PAM16: variants seen among roughly 807,000 people sequenced by gnomAD.
The protein encoded by PAM16 is mitochondrial import inner membrane translocase subunit TIM16.
Under a neutral mutation model 17.9 loss-of-function variants are expected in PAM16, and 11 were observed. That is an observed-to-expected ratio of 0.62 (90% confidence interval 0.39 to 1.02). The LOEUF (loss-of-function observed/expected upper bound fraction) is 1.02. Ranked by LOEUF, PAM16 falls within the 50% of genes least tolerant of loss-of-function variation. The pLI is 0.01. For synonymous variants in PAM16, 72 were observed against 67.4 expected, an observed-to-expected ratio of 1.07 and a Z score of -0.34; for missense variants, 199 against 165.4, an observed-to-expected ratio of 1.20 and a Z score of -1.11.
Position 4,343,192 on chromosome 16 carries a change from C to A in PAM16, c.88+15G>T, listed in dbSNP as rs535980634. On this transcript the variant is annotated intron_variant, in intron 2 of 4. Coordinates refer to ENST00000318059, the MANE Select transcript of PAM16 (RefSeq NM_016069.11). The stretch of plus-strand genomic sequence containing the variant: ...AGGAACTCCCAGCCCACAGGGGAGA[C>A]GGACCCATGCTTACCTGCAAACTCC... 6 of 1,612,406 alleles carry A rather than the reference C, an allele frequency of 3.7e-6. No homozygotes were observed. The highest frequency in any genetic ancestry group is 5.1e-6 in the Non-Finnish European group (6 of 1,179,732).
chr16:4,343,089 G>A, intron 2 of PAM16, 118 bp downstream of exon 2: 1 of 1,339,090 alleles, frequency 7.5e-7, no homozygotes, highest in Admixed American at 2.0e-5. Context: ...CCCACCATGG[G>A]AAGTGCCTCA....
chr16:4,340,483 C>T, intron 4 of PAM16, 78 bp from the exon 5 acceptor site: 1 of 1,505,850 alleles, frequency 6.6e-7, no homozygotes, highest in Non-Finnish European at 9.0e-7. Context: ...TGGCCTATTC[C>T]CATCAGCCCA....
intron 1 of PAM16, among the ~76,000 whole-genome samples, chr16:4,344,509 GGGTTCTGTGAGA>G: frequency 1.5e-5 from 1 of 67,548 alleles, no homozygotes; most frequent in South Asian, 5.1e-4. Flanking sequence ...TGAGAGGAGG[GGGTTCTGTGAGA>G]GAAGGGGACT....
In PAM16 at chr16:4,344,366, CTG is replaced by C. The variant is rs1196736628; in HGVS notation, c.4-1077_4-1076del. On this transcript the variant is annotated intron_variant, in intron 1 of 4. Transcript: ENST00000318059. ...GGGTTCTGTGTGAGAAGAGGGGGTT[CTG>C]TGTGAGAGGAGGGGGTTCTGTGTGA... Among the ~76,000 whole-genome samples, 5 of 692 alleles carry C rather than the reference CTG, an allele frequency of 7.2e-3. 2 individuals carry two copies. The highest frequency in any genetic ancestry group is 0.01 in the Non-Finnish European group (4 of 396). The allele number at this position is 692 out of a possible 152,430, so 0.5% of individuals were successfully genotyped here.
At chr16:4,341,537 CA>C in intron 2 of PAM16, 33 bp from the exon 3 acceptor site, 1 of 1,580,508 alleles carries the variant, frequency 6.3e-7, no homozygotes, top group African/African-American at 1.3e-5. Flanking sequence ...GCTCAGTCCT[CA>C]GCAGCCCACA....
intron 4 of PAM16, 87 bp from the exon 5 acceptor site, chr16:4,340,492 C>G: frequency 1.4e-6 from 2 of 1,468,332 alleles, no homozygotes; most frequent in Non-Finnish European, 1.9e-6. Context: ...CCCATCAGCC[C>G]AGGTCCATTT....
At position 4,340,304 on chromosome 16, in the gene PAM16, G is replaced by A; in HGVS notation, c.*15C>T. ...TAAATTAGAGGCGGCGGGGTGGGCG[G>A]GGGGAGCCGAGCAGTCACGTATGGG... On this transcript the variant is annotated 3_prime_UTR_variant, in exon 5 of 5. Transcript: ENST00000318059. 1 of 1,604,108 alleles carries A rather than the reference G, an allele frequency of 6.2e-7. No homozygotes were observed. The highest frequency in any genetic ancestry group is 8.5e-7 in the Non-Finnish European group (1 of 1,173,500).
chr16:4,348,948 ACTTT>A (rs1488896144), intron 1 of PAM16, among the ~76,000 whole-genome samples: 50 of 114,758 alleles, frequency 4.4e-4, no homozygotes, highest in African/African-American at 1.6e-3. Flanking sequence ...CCGGCCTAGC[ACTTT>A]CTTTTTTTTT....
intron 1 of PAM16, chr16:4,346,684 C>T (rs1463693416): frequency 6.6e-6 from 1 of 152,174 alleles, no homozygotes; most frequent in Non-Finnish European, 1.5e-5. Flanking sequence ...TACTCAACCT[C>T]TCTGAATCTT....
chr16:4,340,845 C>A, intron 4 of PAM16, 75 bp downstream of exon 4: 1 of 1,578,180 alleles, frequency 6.3e-7, no homozygotes, highest in Non-Finnish European at 8.7e-7. Flanking sequence ...CCAGCTCCCC[C>A]AACTAGGAAT....
At chr16:4,350,286 T>G (rs495669) in intron 1 of PAM16, among the ~76,000 whole-genome samples, 12,743 of 150,706 alleles carry the variant, frequency 0.085, 813 homozygotes, top group South Asian at 0.26. Context: ...GGCTAACATA[T>G]GTATATATTA....
chr16:4,340,428 G>C (rs1248090258), intron 4 of PAM16, 23 bp from the exon 5 acceptor site: 1 of 1,605,802 alleles, frequency 6.2e-7, no homozygotes. Flanking sequence ...GGATAATCAG[G>C]CCGGGAGGCC....
rs1481223880 is a variant in PAM16 at position 4,340,982 on chromosome 16, A to G, written c.229T>C (p.Tyr77His). ...TCATTCACCTTAAATAAGTGTTCAT[A>G]GTTCTGCAGAGGAGAGGGGACGGGT... ...KLSPEEVQKNYEHLFKVNDKS... is the reference protein window; with the variant it reads ...KLSPEEVQKNHEHLFKVNDKS... Residue 77 changes from tyrosine (Y) to histidine (H), a missense_variant, in exon 4 of 5, where the codon TAT becomes CAT. Tyr to His is a moderately conservative substitution (Grantham distance 83). Transcript: ENST00000318059. 1 of 1,613,578 alleles carries G rather than the reference A, an allele frequency of 6.2e-7. No individual in the cohort carries two copies. Among genetic ancestry groups the G allele is most frequent in the South Asian group, 1.1e-5 (1 of 91,084 alleles).
chr16:4,343,120 C>G, intron 2 of PAM16, 87 bp downstream of exon 2: 3 of 1,571,614 alleles, frequency 1.9e-6, no homozygotes, highest in South Asian at 2.2e-5. Context: ...ACTTCAGAAC[C>G]GCCAGGCCTG....
chr16:4,349,425 G>A (rs764566716), intron 1 of PAM16, among the ~76,000 whole-genome samples: 3 of 152,150 alleles, frequency 2.0e-5, no homozygotes, highest in African/African-American at 4.8e-5. Context: ...AAAATTAGCT[G>A]GGCATAGTGG....
chr16:4,344,989 CGAGCAGCCA>C (rs2053731058), intron 1 of PAM16, among the ~76,000 whole-genome samples: 1 of 151,976 alleles, frequency 6.6e-6, no homozygotes, highest in Non-Finnish European at 1.5e-5. Context: ...GGAGTTCCTG[CGAGCAGCCA>C]ATAGCCTAGG....
In PAM16 at chr16:4,340,396, C is replaced by T. The variant is rs563328958; in HGVS notation, c.301G>A (p.Ala101Thr). The T allele has an allele frequency of 4.3e-6, 7 of 1,612,116 alleles. No homozygotes were observed. Among genetic ancestry groups the T allele is most frequent in the East Asian group, 4.5e-5 (2 of 44,884 alleles). The part of the protein sequence containing the change: ...SFYLQSKVVR[A>T]KERLDEELKI... ...AGTTCCTCATCCAGGCGCTCCTTTG[C>T]GCGGACCACCTAGTGGGTCACGGAT... Residue 101 changes from alanine to threonine, a missense_variant, in exon 5 of 5, where the codon GCA becomes ACA. Physicochemically the swap from Ala to Thr is moderately conservative, Grantham distance 58 (BLOSUM62 0). Coordinates refer to ENST00000318059, the MANE Select transcript of PAM16 (RefSeq NM_016069.11).
chr16:4,350,921 G>T (rs530115986), intron 1 of PAM16: 31 of 273,948 alleles, frequency 1.1e-4, no homozygotes, highest in Admixed American at 4.3e-4. Flanking sequence ...TTCCAGGGCA[G>T]GGGAGGCGCT....
In PAM16 at chr16:4,340,411, G is replaced by A; in HGVS notation, c.292-6C>T. On this transcript the variant is annotated splice_polypyrimidine_tract_variant and splice_region_variant and intron_variant, in intron 4 of 4. Transcript: ENST00000318059. The stretch of plus-strand genomic sequence containing the variant: ...CGCTCCTTTGCGCGGACCACCTAGT[G>A]GGTCACGGATAATCAGGCCGGGAGG... 1 of 1,610,570 alleles carries A rather than the reference G, an allele frequency of 6.2e-7. No homozygotes were observed.
Sources: gnomAD v4.1 joint callset for allele counts (sites outside exome capture counted in the v4.1 genomes callset) on GRCh38, gnomAD v4.1.1 for gene constraint, MANE v1.5 for transcripts, NCBI Gene and HGNC (gene_info 2026-07-23, HGNC 2026-07-21) for gene names.